ESRRG: variants seen among roughly 807,000 people sequenced by gnomAD.
ESRRG encodes the protein estrogen related receptor gamma.
A neutral mutation model predicts 44.0 loss-of-function variants in ESRRG; 13 were observed. The observed-to-expected ratio is 0.30, with a 90% CI of 0.19 to 0.47. The LOEUF is 0.47. Ranked by LOEUF, ESRRG falls within the 20% of genes least tolerant of loss-of-function variation. ESRRG has a pLI of 1.00. For synonymous variants in ESRRG, 215 were observed against 214.6 expected (o/e 1.00, Z -0.02); for missense variants, 395 against 580.6 (o/e 0.68, Z 3.29).
intron 1 of ESRRG, among the ~76,000 whole-genome samples, chr1:216,996,119 C>T (rs2076344722): frequency 6.6e-6 from 1 of 152,068 alleles, no homozygotes; most frequent in Non-Finnish European, 1.5e-5. Context: ...TAGATTGGAT[C>T]AGTGATTGCT....
intron 3 of ESRRG, among the ~76,000 whole-genome samples, chr1:216,584,254 C>A (rs1201886609): frequency 1.3e-5 from 2 of 149,602 alleles, no homozygotes; most frequent in African/African-American, 4.9e-5. Flanking sequence ...TTTTAAAAAA[C>A]TTACAATTTT....
At chr1:216,858,954 T>G (rs1000805916) in intron 2 of ESRRG, among the ~76,000 whole-genome samples, 1 of 152,152 alleles carries the variant, frequency 6.6e-6, no homozygotes, top group African/African-American at 2.4e-5. Flanking sequence ...AATTCCTCAG[T>G]TTTGCATCTG....
At chr1:216,588,649 G>A (rs2057103530) in intron 3 of ESRRG, among the ~76,000 whole-genome samples, 1 of 152,192 alleles carries the variant, frequency 6.6e-6, no homozygotes, top group African/African-American at 2.4e-5. Context: ...TATAGGCTCA[G>A]AGAAGTTAAG....
intron 2 of ESRRG, among the ~76,000 whole-genome samples, chr1:216,898,503 A>C (rs902758200): frequency 6.6e-6 from 1 of 152,152 alleles, no homozygotes; most frequent in African/African-American, 2.4e-5. Context: ...CTGTAATCCC[A>C]GCTACTCAGG....
intron 3 of ESRRG, among the ~76,000 whole-genome samples, chr1:216,585,017 T>G (rs1443178542): frequency 6.6e-6 from 1 of 152,242 alleles, no homozygotes; most frequent in East Asian, 1.9e-4. Context: ...GGAATTATTT[T>G]AATTATTGGC....
chr1:216,778,179 G>A (rs1412433209), intron 2 of ESRRG, among the ~76,000 whole-genome samples: 2 of 152,030 alleles, frequency 1.3e-5, no homozygotes, highest in Non-Finnish European at 2.9e-5. Flanking sequence ...ATTAGAGAGT[G>A]CTCCTAAGAA....
At chr1:216,785,678 A>G (rs966852543) in intron 2 of ESRRG, among the ~76,000 whole-genome samples, 2 of 152,136 alleles carry the variant, frequency 1.3e-5, no homozygotes, top group Non-Finnish European at 2.9e-5. Context: ...TCTCCTTTAA[A>G]AAAAGAAAAT....
chr1:216,662,658 G>A (rs2072815762), intron 2 of ESRRG, among the ~76,000 whole-genome samples: 1 of 152,048 alleles, frequency 6.6e-6, no homozygotes, highest in Admixed American at 6.6e-5. Context: ...TTGTCCAAGG[G>A]ACATAGGATG....
chr1:216,716,918 G>C (rs1646397301), intron 1 of ESRRG, among the ~76,000 whole-genome samples: 1 of 151,738 alleles, frequency 6.6e-6, no homozygotes. Context: ...TACTGAAATG[G>C]ACTTTAACTG....
At chr1:216,991,296 C>A (rs376599035) in intron 1 of ESRRG, among the ~76,000 whole-genome samples, 8 of 152,224 alleles carry the variant, frequency 5.3e-5, no homozygotes, top group African/African-American at 1.9e-4. Flanking sequence ...ACCATTGAAA[C>A]CAACATAGAA....
chr1:217,133,641 C>CTTTCTTTCTTTCTT (rs748711287), intron 1 of ESRRG, among the ~76,000 whole-genome samples: 551 of 41,700 alleles, frequency 0.013, 6 homozygotes, highest in African/African-American at 0.031. Flanking sequence ...TTCTCTCTCT[C>CTTTCTTTCTTTCTT]TCTCTCTTTC....
At chr1:216,920,512 T>C (rs2061705453) in intron 2 of ESRRG, among the ~76,000 whole-genome samples, 1 of 152,018 alleles carries the variant, frequency 6.6e-6, no homozygotes, top group Non-Finnish European at 1.5e-5. Flanking sequence ...ATGAGAATAT[T>C]TAATGACGTC....
intron 1 of ESRRG, among the ~76,000 whole-genome samples, chr1:217,108,616 G>A (rs112664255): frequency 1.3e-5 from 2 of 152,002 alleles, no homozygotes; most frequent in South Asian, 2.1e-4. Flanking sequence ...TCACAAGACT[G>A]GGTCGTTTAA....
intron 1 of ESRRG, among the ~76,000 whole-genome samples, chr1:216,966,651 G>A (rs1363502158): frequency 6.6e-6 from 1 of 151,966 alleles, no homozygotes; most frequent in African/African-American, 2.4e-5. Context: ...CTCAACTTCC[G>A]GCTCTTGTTT....
chr1:216,606,793 G>A (rs1002093390), intron 3 of ESRRG, among the ~76,000 whole-genome samples: 20 of 152,268 alleles, frequency 1.3e-4, no homozygotes, highest in African/African-American at 4.3e-4. Flanking sequence ...GAGACAGTGT[G>A]GGAGCAGCAT....
intron 2 of ESRRG, among the ~76,000 whole-genome samples, chr1:216,782,969 T>C (rs2093988208): frequency 6.6e-6 from 1 of 151,990 alleles, no homozygotes; most frequent in African/African-American, 2.4e-5. Flanking sequence ...AAAATCCTAC[T>C]TGGATGCCCT....
At chr1:216,811,412 G>A (rs1017933427) in intron 2 of ESRRG, among the ~76,000 whole-genome samples, 1 of 151,970 alleles carries the variant, frequency 6.6e-6, no homozygotes, top group Non-Finnish European at 1.5e-5. Flanking sequence ...TCTGATTTTA[G>A]GGAAACATAA....
chr1:216,806,513 C>A (rs2094797566), intron 2 of ESRRG, among the ~76,000 whole-genome samples: 1 of 152,078 alleles, frequency 6.6e-6, no homozygotes. Context: ...ATTTACATTT[C>A]TTTGTGCTTA....
chr1:216,952,774 TTA>T (rs2067195147), intron 1 of ESRRG, among the ~76,000 whole-genome samples: 1 of 152,108 alleles, frequency 6.6e-6, no homozygotes, highest in African/African-American at 2.4e-5. Flanking sequence ...GTCAATAATT[TTA>T]AACTTCTTGC....
Sources: gnomAD v4.1 joint callset for allele counts (sites outside exome capture counted in the v4.1 genomes callset) on GRCh38, gnomAD v4.1.1 for gene constraint, MANE v1.5 for transcripts, NCBI Gene and HGNC (gene_info 2026-07-23, HGNC 2026-07-21) for gene names.